The following TNRC6C variants were observed in gnomAD, a reference collection of about 807,000 sequenced individuals.
TNRC6C encodes trinucleotide repeat-containing gene 6C protein.
In TNRC6C, 20 loss-of-function variants were observed where a neutral mutation model predicts 153.7. That is an observed-to-expected ratio of 0.13 (90% CI 0.09 to 0.19). The LOEUF (loss-of-function observed/expected upper bound fraction) is 0.19, where lower values mean the gene tolerates loss of function less well. Ranked by LOEUF, TNRC6C falls within the 10% of genes least tolerant of loss-of-function variation. The pLI, the probability that TNRC6C is intolerant of heterozygous loss-of-function variation, is 1.00. For synonymous variants in TNRC6C, 811 were observed against 841.4 expected, an observed-to-expected ratio of 0.96 and a Z score of 0.63; for missense variants, 1,987 against 2,172.0, an observed-to-expected ratio of 0.91 and a Z score of 1.69.
intron 2 of TNRC6C, among the ~76,000 whole-genome samples, chr17:78,033,860 CCTCAGTAGTCTCTGGTAT>C: frequency 6.6e-6 from 1 of 152,150 alleles, no homozygotes; most frequent in Admixed American, 6.5e-5. Flanking sequence ...TTCATCTCTT[CCTCAGTAGTCTCTGGTAT>C]CACAGCCAGA....
In TNRC6C at chr17:78,104,377, A is replaced by T; in HGVS notation, c.4713-108A>T. ...AAATAGCAGTGGCAAAACAGAAGCCACAGGATGGCTTCCATGTGGGGCCGT... is the reference window on the plus strand; with the variant it reads ...AAATAGCAGTGGCAAAACAGAAGCCTCAGGATGGCTTCCATGTGGGGCCGT... On this transcript the variant is annotated intron_variant, in intron 19 of 19. Coordinates refer to ENST00000301624, the Ensembl canonical transcript of TNRC6C. This position sits in a 1 kb window ranked among gnomAD's most constrained non-coding sequence, Gnocchi z 6.2. The T allele has an allele frequency of 7.2e-7, 1 of 1,388,186 alleles. No homozygotes were observed. The highest frequency in any genetic ancestry group is 9.4e-7 in the Non-Finnish European group (1 of 1,067,220). 86.0% of individuals were successfully genotyped at this position (1,388,186 alleles called of 1,614,324 possible).
Position 78,071,781 on chromosome 17 carries a change from G to C in TNRC6C, c.2859+616G>C, listed in dbSNP as rs147766484. On this transcript the variant is annotated intron_variant, in intron 6 of 19. Coordinates refer to ENST00000301624, the Ensembl canonical transcript of TNRC6C. ...TAAACGTGAATTTCATTAGTGTATA[G>C]AGTATATTGACAGAGATCACAAAAG... is the stretch of plus-strand genomic sequence containing the variant. 6.6e-5 allele frequency among the ~76,000 whole-genome samples: 10 copies of C among 152,288 alleles called. No individual in the cohort carries two copies. In the East Asian group the frequency reaches 1.3e-3, roughly 21 times the overall value.
chr17:78,100,104 C>T (rs1186717834), intron 17 of TNRC6C, among the ~76,000 whole-genome samples: 7 of 152,214 alleles, frequency 4.6e-5, no homozygotes, highest in African/African-American at 1.7e-4. Context: ...CAGGGTACAG[C>T]CTCCCTCTTG....
exon 2 of TNRC6C, chr17:78,031,805 A>G (rs1392339259): frequency 8.1e-7 from 1 of 1,232,158 alleles, no homozygotes; most frequent in Non-Finnish European, 1.0e-6. Flanking sequence ...CCCTACCTGG[A>G]GCCGGAACAC....
intron 1 of TNRC6C, among the ~76,000 whole-genome samples, chr17:78,025,660 A>G (rs2071929202): frequency 6.6e-6 from 1 of 152,088 alleles, no homozygotes. Flanking sequence ...AAATATATAT[A>G]TATTTATATT....
At chr17:78,032,689 G>A (rs2072100379) in intron 2 of TNRC6C, among the ~76,000 whole-genome samples, 1 of 152,128 alleles carries the variant, frequency 6.6e-6, no homozygotes, top group South Asian at 2.1e-4. Context: ...TTCTTAGATT[G>A]GAATTTAAAA....
chr17:78,044,583 C>T (rs940544364), intron 2 of TNRC6C, among the ~76,000 whole-genome samples: 1 of 152,166 alleles, frequency 6.6e-6, no homozygotes, highest in African/African-American at 2.4e-5. Context: ...ACAGTAGCTG[C>T]ATATAGGAGG....
At chr17:77,985,703 C>T (rs779775795) in intron 1 of TNRC6C, among the ~76,000 whole-genome samples, 7 of 152,014 alleles carry the variant, frequency 4.6e-5, no homozygotes, top group South Asian at 4.1e-4. Flanking sequence ...AAGGGTTAAT[C>T]GGGCCTACTT....
At chr17:78,092,861 C>T (rs1467338044) in intron 14 of TNRC6C, 72 bp from the exon 17 acceptor site, 5 of 1,412,916 alleles carry the variant, frequency 3.5e-6, no homozygotes, top group Non-Finnish European at 4.9e-6. Context: ...CATAGGGAGG[C>T]TTAGGGTATC....
rs1046820126 is a variant in TNRC6C at position 78,104,057 on chromosome 17, C to T, written c.4713-428C>T. 3.9e-5 allele frequency among the ~76,000 whole-genome samples: 6 copies of T among 152,166 alleles called. No homozygotes were observed. The highest frequency in any genetic ancestry group is 8.8e-5 in the Non-Finnish European group (6 of 68,036). On this transcript the variant is annotated intron_variant, in intron 19 of 19. Transcript: ENST00000301624. This position sits in a 1 kb window ranked among gnomAD's most constrained non-coding sequence, Gnocchi z 6.2. ...TGCTGAGTTGCTGTGTCTACTCCCT[C>T]CCTGTGACACATTCCTACACAGGGC...
intron 5 of TNRC6C, 49 bp from the exon 8 acceptor site, chr17:78,071,036 C>T (rs1415420707): frequency 1.3e-6 from 2 of 1,522,606 alleles, no homozygotes; most frequent in African/African-American, 1.4e-5. Flanking sequence ...GGTAGAAATG[C>T]ATTAAAATGT....
At chr17:77,968,444 C>T (rs546543450) in intron 1 of TNRC6C, among the ~76,000 whole-genome samples, 11 of 152,148 alleles carry the variant, frequency 7.2e-5, no homozygotes, top group East Asian at 3.9e-4. Context: ...CGGGTTCAAG[C>T]GACTCTTCTG....
At chr17:78,102,715 A>T in intron 18 of TNRC6C, 171 bp downstream of exon 21, 2 of 607,128 alleles carry the variant, frequency 3.3e-6, no homozygotes, top group Non-Finnish European at 5.6e-6. Context: ...TGGCTCCAGC[A>T]GCGGCAGCAG....
At chr17:78,013,301 A>G (rs940184632) in intron 1 of TNRC6C, among the ~76,000 whole-genome samples, 1 of 152,204 alleles carries the variant, frequency 6.6e-6, no homozygotes, top group African/African-American at 2.4e-5. Flanking sequence ...CTGAACCTGC[A>G]GAATTGAAGA....
Position 78,075,487 on chromosome 17 carries a change from G to A in TNRC6C, c.3060+209G>A. 2 of 618,888 alleles carry A rather than the reference G, an allele frequency of 3.2e-6. No homozygotes were observed. The highest frequency in any genetic ancestry group is 5.3e-6 in the Non-Finnish European group (2 of 379,334). 38.3% of individuals were successfully genotyped at this position (618,888 alleles called of 1,614,324 possible). ...ATGTTACTGAGAATGAAAAAGACTG[G>A]GATTGAAAACTGATTTTCATATTTA... On this transcript the variant is annotated intron_variant, in intron 8 of 19. Coordinates refer to ENST00000301624, the Ensembl canonical transcript of TNRC6C. This position sits in a 1 kb window ranked among gnomAD's most constrained non-coding sequence, Gnocchi z 4.2.
At chr17:78,088,160 C>G (rs117678822) in intron 13 of TNRC6C, among the ~76,000 whole-genome samples, 2,325 of 152,124 alleles carry the variant, frequency 0.015, 33 homozygotes, top group Middle Eastern at 0.024. Flanking sequence ...CATATGAATC[C>G]TTTTTACTTG....
At chr17:77,987,734 C>G (rs998953040) in intron 1 of TNRC6C, among the ~76,000 whole-genome samples, 1 of 152,000 alleles carries the variant, frequency 6.6e-6, no homozygotes, top group African/African-American at 2.4e-5. Context: ...AGTGCAGTGG[C>G]GCGAGCACCA....
Position 78,097,840 on chromosome 17 carries a change from G to A in TNRC6C, c.4307-503G>A, listed in dbSNP as rs1323294284. 4 of 1,548,768 alleles carry A rather than the reference G, an allele frequency of 2.6e-6. No individual in the cohort carries two copies. In the East Asian group the frequency reaches 7.3e-5, roughly 28 times the overall value. ...CTACAGTAGCTCTTTCAGCAGCATT[G>A]CATCCGCACCTAGTGTTGCAGGTAC... On this transcript the variant is annotated intron_variant, in intron 16 of 19. Transcript: ENST00000301624.
chr17:77,976,604 A>C (rs184784356), intron 1 of TNRC6C, among the ~76,000 whole-genome samples: 1 of 152,256 alleles, frequency 6.6e-6, no homozygotes, highest in African/African-American at 2.4e-5. Context: ...TCAGATACCT[A>C]AGCAATATAT....
Sources: allele counts gnomAD v4.1 joint callset (sites outside exome capture counted in the v4.1 genomes callset), GRCh38; gene constraint gnomAD v4.1.1; non-coding constraint Gnocchi (gnomAD v3.1); transcripts MANE v1.5; gene names NCBI Gene and HGNC (gene_info 2026-07-23, HGNC 2026-07-21).